The following ERCC8 variants were observed in gnomAD, a reference collection of about 807,000 sequenced individuals.
ERCC8 encodes DNA excision repair protein ERCC-8.
In ERCC8, 52 loss-of-function variants were observed where a neutral mutation model predicts 54.9. The observed-to-expected ratio is 0.95, with a 90% CI of 0.76 to 1.19. The LOEUF is 1.19. Among genes scored for constraint, ERCC8 ranks in the 50% most tolerant of loss-of-function variants. The probability of loss-of-function intolerance (pLI) is 0.00; values close to 1 mark genes in which losing one functional copy is unlikely to be tolerated. For missense variants in ERCC8, 514 were observed against 466.1 expected, an observed-to-expected ratio of 1.10 and a Z score of -0.95; for synonymous variants, 146 against 157.2, an observed-to-expected ratio of 0.93 and a Z score of 0.53.
At chr5:60,908,594 A>T (rs1388998750) in intron 4 of ERCC8, among the ~76,000 whole-genome samples, 9 of 113,902 alleles carry the variant, frequency 7.9e-5, no homozygotes, top group South Asian at 6.1e-4. Context: ...TTTTTTTTTT[A>T]AATAATGGCT....
In ERCC8 at chr5:60,896,361, T is replaced by G. The variant is rs1748725360; in HGVS notation, c.843+1915A>C. Among the ~76,000 whole-genome samples, 3 of 151,652 alleles carry G rather than the reference T, an allele frequency of 2.0e-5. 1 individual carries two copies. The South Asian group carries it at 6.2e-4, about 31-fold the overall frequency. ...CCTCCCGAGTAGCTGGGACTACAGG[T>G]GCCCACCACTGGCTAATTTTTTGTA... On this transcript the variant is annotated intron_variant, in intron 9 of 11. Transcript: ENST00000676185.
chr5:60,944,963 G>A lies in ERCC8; in HGVS notation c.46C>T (p.Leu16Phe), dbSNP rs758595033. ...GTTGACTCTGCTCTCCGAAGGCGAA[G>A]AGGGTCCTCCAAACCCGTTTGGCGT... Reference protein sequence around the residue: ...SARQTGLEDPLRLRRAESTRR... With the variant: ...SARQTGLEDPFRLRRAESTRR... Residue 16 changes from leucine to phenylalanine, a missense_variant, in exon 1 of 12, where the codon CTT (leucine) becomes TTT (phenylalanine). By Grantham distance (22) the Leu-to-Phe change is conservative (BLOSUM62 0). Transcript: ENST00000676185. 31 of 1,614,048 alleles carry A rather than the reference G, an allele frequency of 1.9e-5. 1 individual carries two copies. The South Asian group carries it at 3.2e-4, about 17-fold the overall frequency.
rs1561519010 is a variant in ERCC8, at chr5:60,938,071, ATATATATATATATATTT to A, written c.77+6844_77+6860del. On this transcript the variant is annotated intron_variant, in intron 1 of 11. Transcript: ENST00000676185. Reference sequence around the variant, plus strand: ...TACATATATATATATATATATATATATATATATATATATATTTTATTTTTTTTTTTTTTAGGTTACGA... The same window carrying A: ...TACATATATATATATATATATATATATATTTTTTTTTTTTTTAGGTTACGA... 3.4e-4 allele frequency among the ~76,000 whole-genome samples: 24 copies of A among 70,182 alleles called. 1 individual carries two copies. Among genetic ancestry groups the A allele is most frequent in the South Asian group, 1.5e-3 (3 of 2,064 alleles). 46.0% of individuals were successfully genotyped at this position (70,182 alleles called of 152,430 possible).
chr5:60,938,415 A>G (rs6449512), intron 1 of ERCC8, among the ~76,000 whole-genome samples: 61,966 of 144,418 alleles, frequency 0.43, 13,611 homozygotes, highest in East Asian at 0.81. Context: ...GTGCAGTGAC[A>G]CTATGTCGGC....
Position 60,870,114 on chromosome 5 carries a change from C to T in ERCC8, c.*4501G>A, listed in dbSNP as rs1747830469. 6.6e-6 allele frequency among the ~76,000 whole-genome samples: 1 copy of T among 151,918 alleles called. No homozygotes were observed. Among genetic ancestry groups the T allele is most frequent in the South Asian group, 2.1e-4 (1 of 4,822 alleles). On this transcript the variant is annotated 3_prime_UTR_variant, in exon 12 of 12. Coordinates refer to ENST00000676185, the MANE Select transcript of ERCC8 (RefSeq NM_000082.4). Reference sequence around the variant, plus strand: ...CTTAACAAAACAAAACAAAACAAAACAAGGGTTTAGGGTGGGGAGGGGAAT... The same window carrying T: ...CTTAACAAAACAAAACAAAACAAAATAAGGGTTTAGGGTGGGGAGGGGAAT...
At chr5:60,943,420 T>C (rs1343366686) in intron 1 of ERCC8, among the ~76,000 whole-genome samples, 1 of 152,242 alleles carries the variant, frequency 6.6e-6, no homozygotes, top group East Asian at 1.9e-4. Context: ...GCTTTTCAGT[T>C]CACAAATCAT....
intron 2 of ERCC8, among the ~76,000 whole-genome samples, chr5:60,926,094 G>A (rs1580035277): frequency 2.0e-5 from 3 of 152,220 alleles, no homozygotes; most frequent in Non-Finnish European, 2.9e-5. Flanking sequence ...CAAAGTGCTA[G>A]GATTACAGGT....
At chr5:60,937,340 G>A (rs907269836) in intron 1 of ERCC8, among the ~76,000 whole-genome samples, 5 of 152,178 alleles carry the variant, frequency 3.3e-5, no homozygotes, top group African/African-American at 4.8e-5. Context: ...TTAGGTGGTG[G>A]GCAGGCCGAT....
intron 8 of ERCC8, 85 bp from the exon 9 acceptor site, chr5:60,898,485 G>A: frequency 1.3e-6 from 2 of 1,484,636 alleles, no homozygotes; most frequent in African/African-American, 1.4e-5. Flanking sequence ...ACATATTAAA[G>A]GACAACTACT....
intron 1 of ERCC8, among the ~76,000 whole-genome samples, chr5:60,933,216 C>CTTT (rs143139297): frequency 9.6e-4 from 86 of 89,488 alleles, no homozygotes; most frequent in Non-Finnish European, 1.3e-3. Flanking sequence ...CCTTTTTTTT[C>CTTT]TTTTTTTTTT....
chr5:60,892,352 G>GTGTCTCCAATGGTGTCT, intron 9 of ERCC8: 1 of 550,282 alleles, frequency 1.8e-6, no homozygotes, highest in South Asian at 1.4e-5. Flanking sequence ...TTCTCCAGTG[G>GTGTCTCCAATGGTGTCT]CCAAGCATTC....
rs1302608246 is a variant in ERCC8 at position 60,866,702 on chromosome 5, T to C, written c.*7913A>G. 3.3e-5 allele frequency: 5 copies of C among 152,242 alleles called. No homozygotes were observed. Among genetic ancestry groups the C allele is most frequent in the Non-Finnish European group, 7.3e-5 (5 of 68,048 alleles). 9.4% of individuals were successfully genotyped at this position (152,242 alleles called of 1,614,324 possible). ...TTATAATGACACTCTACCTCTGCCT[T>C]CAATGAACTTTAATTATAATTAGTT... On this transcript the variant is annotated 3_prime_UTR_variant, in exon 12 of 12. Coordinates refer to ENST00000676185, the MANE Select transcript of ERCC8 (RefSeq NM_000082.4).
At chr5:60,914,929 CT>C (rs1297382031) in intron 4 of ERCC8, among the ~76,000 whole-genome samples, 1 of 151,600 alleles carries the variant, frequency 6.6e-6, no homozygotes, top group Non-Finnish European at 1.5e-5. Context: ...TTAAAACAAC[CT>C]TTTTTGTCCA....
chr5:60,887,475 G>C lies in ERCC8; in HGVS notation c.1087C>G (p.Pro363Ala). Residue 363 changes from proline to alanine, a missense_variant, in exon 11 of 12, where the codon CCA becomes GCA. Physicochemically the swap from Pro to Ala is conservative, Grantham distance 27. Coordinates refer to ENST00000676185, the MANE Select transcript of ERCC8 (RefSeq NM_000082.4). ...SRDCNILAWVPSLYEPVPDDD... is the reference protein window; with the variant it reads ...SRDCNILAWVASLYEPVPDDD... ...TCAGGAACTGGTTCATATAAGGATGGAACCCAAGCCAGAATGTTGCAGTCT... is the reference window on the plus strand; with the variant it reads ...TCAGGAACTGGTTCATATAAGGATGCAACCCAAGCCAGAATGTTGCAGTCT... 6.2e-7 allele frequency: 1 copy of C among 1,613,894 alleles called. No homozygotes were observed. The highest frequency in any genetic ancestry group is 1.1e-5 in the South Asian group (1 of 91,078).
At position 60,906,557 on chromosome 5, in the gene ERCC8, C is replaced by T. The variant is rs1369997235; in HGVS notation, c.400-1684G>A. On this transcript the variant is annotated intron_variant, in intron 4 of 11. Coordinates refer to ENST00000676185, the MANE Select transcript of ERCC8 (RefSeq NM_000082.4). ...AAGCCTGGCCAACATGGTGAAACTC[C>T]GTCTCTACTTAAAATATAAAAATTA... Among the ~76,000 whole-genome samples, 7 of 151,806 alleles carry T rather than the reference C, an allele frequency of 4.6e-5. No homozygotes were observed. In the East Asian group the frequency reaches 1.4e-3, roughly 30 times the overall value.
At chr5:60,876,468 A>G (rs1202374417) in intron 11 of ERCC8, among the ~76,000 whole-genome samples, 1 of 152,242 alleles carries the variant, frequency 6.6e-6, no homozygotes, top group African/African-American at 2.4e-5. Flanking sequence ...GACTTCCACA[A>G]TGGTTGAACT....
At chr5:60,892,770 CG>C (rs1465427099) in intron 9 of ERCC8, 2 of 690,710 alleles carry the variant, frequency 2.9e-6, no homozygotes, top group Non-Finnish European at 5.3e-6. Context: ...ATCCAGCAGC[CG>C]GATGAACTTG....
chr5:60,899,945 C>G (rs1007653227), intron 7 of ERCC8, among the ~76,000 whole-genome samples: 1 of 151,746 alleles, frequency 6.6e-6, no homozygotes, highest in African/African-American at 2.4e-5. Context: ...AGTAACCTTT[C>G]TTTTCCAGAT....
intron 6 of ERCC8, among the ~76,000 whole-genome samples, chr5:60,902,752 T>C (rs183319051): frequency 6.0e-4 from 91 of 152,152 alleles, no homozygotes; most frequent in Non-Finnish European, 3.7e-4. Flanking sequence ...CAGAGTTAAG[T>C]AAGTCTTTCT....
Sources: allele counts gnomAD v4.1 joint callset (sites outside exome capture counted in the v4.1 genomes callset), GRCh38; gene constraint gnomAD v4.1.1; transcripts MANE v1.5; gene names NCBI Gene and HGNC (gene_info 2026-07-23, HGNC 2026-07-21).